The following CFAP46 variants were observed in gnomAD, a reference collection of about 807,000 sequenced individuals.
CFAP46 encodes cilia and flagella associated protein 46, also known as cilia- and flagella-associated protein 46.
CFAP46 carries 245 observed loss-of-function variants against 325.7 expected under a neutral mutation model. That is an observed-to-expected ratio of 0.75 (90% CI 0.68 to 0.84). The LOEUF is 0.84. Ranked by LOEUF, CFAP46 falls within the 40% of genes least tolerant of loss-of-function variation. The probability of loss-of-function intolerance (pLI) is 0.00; values close to 1 mark genes in which losing one functional copy is unlikely to be tolerated. For missense variants in CFAP46, 3,346 were observed against 3,543.0 expected, an observed-to-expected ratio of 0.94 and a Z score of 1.41; for synonymous variants, 1,523 against 1,495.9, an observed-to-expected ratio of 1.02 and a Z score of -0.42.
rs542528383 is a variant in CFAP46 at position 132,860,560 on chromosome 10, G to T, written c.5092-37C>A. On this transcript the variant is annotated intron_variant, in intron 36 of 57. Coordinates refer to ENST00000368586, the MANE Select transcript of CFAP46 (RefSeq NM_001200049.3). The stretch of plus-strand genomic sequence containing the variant: ...CAGGGGTGGATACGGGTGTGTCTGA[G>T]GACAGGCAGGCATGGATACAGGCCT... 166 of 1,452,282 alleles carry T rather than the reference G, an allele frequency of 1.1e-4. No homozygotes were observed. The African/African-American group carries it at 2.1e-3, about 18-fold the overall frequency. The allele number at this position is 1,452,282 out of a possible 1,614,324, so 90.0% of individuals were successfully genotyped here. A position where few individuals can be genotyped will look rare whatever the true frequency, so the allele number is the denominator to read the frequency against.
At chr10:132,888,695 T>G (rs867646050) in intron 25 of CFAP46, among the ~76,000 whole-genome samples, 1,959 of 23,120 alleles carry the variant, frequency 0.085, 54 homozygotes, top group Admixed American at 0.19. Flanking sequence ...CCTGCCACCT[T>G]CACCCCTGCC....
rs1206926742 is a variant in CFAP46, at chr10:132,910,060, C to T, written c.2508G>A (p.Glu836=). 13 of 1,496,402 alleles carry T rather than the reference C, an allele frequency of 8.7e-6. No homozygotes were observed. The highest frequency in any genetic ancestry group is 1.2e-5 in the Non-Finnish European group (13 of 1,123,996). The allele number at this position is 1,496,402 out of a possible 1,614,324, so 92.7% of individuals were successfully genotyped here. The change falls in exon 20 of 58, where the codon GAG becomes GAA. Residue 836 remains glutamate (E), a synonymous_variant. Coordinates refer to ENST00000368586, the MANE Select transcript of CFAP46 (RefSeq NM_001200049.3). ...SEIKTAVEVC[E]FALNLTNGSA... is the part of the protein sequence containing the mutation. ...TCCCATTGGTCAGGTTCAGGGCAAA[C>T]TCGCAGACCTAGGACAGACGTGTTC...
At chr10:132,915,997 A>G (rs1204402083) in intron 17 of CFAP46, among the ~76,000 whole-genome samples, 1 of 152,208 alleles carries the variant, frequency 6.6e-6, no homozygotes, top group Non-Finnish European at 1.5e-5. Context: ...CAAGCACTCC[A>G]ATTTCAATTC....
chr10:132,873,812 C>T (rs1244805689), intron 31 of CFAP46, among the ~76,000 whole-genome samples: 9 of 152,056 alleles, frequency 5.9e-5, no homozygotes, highest in African/African-American at 2.2e-4. Context: ...GGTGACAGGG[C>T]TCTACAGGTC....
rs1420465227 is a variant in CFAP46 at position 132,828,629 on chromosome 10, T to G, written c.7117+4729A>C. 1.3e-5 allele frequency among the ~76,000 whole-genome samples: 2 copies of G among 152,348 alleles called. No homozygotes were observed. The highest frequency in any genetic ancestry group is 3.9e-4 in the East Asian group (2 of 5,190). ...CCAGTCTTGGCGTAACTTTTCATTT[T>G]CTTAACAATATCTTTCAAAGAGTGG... is the stretch of plus-strand genomic sequence containing the variant. On this transcript the variant is annotated intron_variant, in intron 50 of 57. Coordinates refer to ENST00000368586, the MANE Select transcript of CFAP46 (RefSeq NM_001200049.3). This position sits in a 1 kb window ranked among gnomAD's most constrained non-coding sequence, Gnocchi z 4.9.
chr10:132,906,160 C>T (rs1423217249), intron 22 of CFAP46, among the ~76,000 whole-genome samples: 2 of 152,258 alleles, frequency 1.3e-5, no homozygotes, highest in South Asian at 2.1e-4. Context: ...TTTGCTGCCA[C>T]GCTCTCCCTC....
intron 32 of CFAP46, chr10:132,872,433 A>C (rs969823625): frequency 2.7e-4 from 125 of 468,076 alleles, no homozygotes; most frequent in Non-Finnish European, 4.0e-4. Flanking sequence ...TATTTTTTAA[A>C]TTTTTTGTAG....
rs1361639089 is a variant in CFAP46 at position 132,924,835 on chromosome 10, G to A, written c.1117C>T (p.Arg373Cys). Residue 373 changes from arginine to cysteine, a missense_variant, in exon 11 of 58, where the codon CGC becomes TGC. Coordinates refer to ENST00000368586, the MANE Select transcript of CFAP46 (RefSeq NM_001200049.3). The part of the protein sequence containing the change: ...RLDVALQRAV[R>C]LGDPRVIHVV... ...TGGATGACCCGGGGGTCGCCCAGGCGCACGGCTCGCTGCAGCGCGACGTCT... is the reference window on the plus strand; with the variant it reads ...TGGATGACCCGGGGGTCGCCCAGGCACACGGCTCGCTGCAGCGCGACGTCT... 6.9e-6 allele frequency: 10 copies of A among 1,444,054 alleles called. No homozygotes were observed. In the East Asian group the frequency reaches 8.4e-5, roughly 12 times the overall value. 89.5% of individuals were successfully genotyped at this position (1,444,054 alleles called of 1,614,324 possible). A position where few individuals can be genotyped will look rare whatever the true frequency, so the allele number is the denominator to read the frequency against.
At chr10:132,837,601 GGACACACGCACACGTACACAGACATGCA>G in intron 44 of CFAP46, among the ~76,000 whole-genome samples, 1 of 51,350 alleles carries the variant, frequency 1.9e-5, no homozygotes, top group Non-Finnish European at 3.6e-5. Flanking sequence ...AGATGCGCAC[GGACACACGCACACGTACACAGACATGCA>G]CGGACACACA....
chr10:132,905,892 C>T (rs1849449840), intron 22 of CFAP46, among the ~76,000 whole-genome samples: 1 of 152,222 alleles, frequency 6.6e-6, no homozygotes, highest in Non-Finnish European at 1.5e-5. Context: ...GACGCACCCC[C>T]AGCCCCACCT....
intron 7 of CFAP46, among the ~76,000 whole-genome samples, chr10:132,935,977 T>C (rs1366166283): frequency 3.1e-4 from 11 of 35,814 alleles, no homozygotes; most frequent in Admixed American, 8.1e-4. Flanking sequence ...TCCCCTCACA[T>C]CCAAACACAC....
At chr10:132,887,972 G>GCTCCTCTCCT (rs1564791004) in intron 25 of CFAP46, among the ~76,000 whole-genome samples, 1 of 34,588 alleles carries the variant, frequency 2.9e-5, no homozygotes, top group Admixed American at 3.8e-4. Context: ...CTCTCTCTCC[G>GCTCCTCTCCT]CTCCTCTCTC....
chr10:132,930,350 C>T (rs1849875110), intron 8 of CFAP46, among the ~76,000 whole-genome samples: 3 of 148,128 alleles, frequency 2.0e-5, no homozygotes, highest in African/African-American at 5.2e-5. Context: ...CCACACAGAG[C>T]CTGGGCCTTC....
rs763243498 is a variant in CFAP46, at chr10:132,847,199, G to A, written c.6075C>T (p.Gly2025=). ...GGGGCAGCCGCACCTTCAGGTCCTC[G>A]CCTCTCCTGCAGTGCTCCTCCGGGG... ...RAAPEEHCRR[G]EDLKRRMVLA... The change falls in exon 42 of 58, where the codon GGC becomes GGT. Residue 2025 remains glycine, a synonymous_variant. Coordinates refer to ENST00000368586, the MANE Select transcript of CFAP46 (RefSeq NM_001200049.3). This position sits in a 1 kb window ranked among gnomAD's most constrained non-coding sequence, Gnocchi z 5.2. The A allele has an allele frequency of 3.7e-6, 6 of 1,612,072 alleles. No homozygotes were observed. Among genetic ancestry groups the A allele is most frequent in the Non-Finnish European group, 5.1e-6 (6 of 1,179,728 alleles).
chr10:132,941,146 G>T, intron 3 of CFAP46, 86 bp from the exon 4 acceptor site: 1 of 1,346,716 alleles, frequency 7.4e-7, no homozygotes, highest in Non-Finnish European at 1.1e-6. Context: ...CTCCCTCACG[G>T]TTGGCCTGGT....
chr10:132,916,713 A>G (rs2135575972), intron 16 of CFAP46, 31 bp from the exon 17 acceptor site: 1 of 1,429,492 alleles, frequency 7.0e-7, no homozygotes, highest in Non-Finnish European at 9.2e-7. Context: ...GGGAGGGGTC[A>G]TGGGCGGAGC....
chr10:132,808,479 A>G lies in CFAP46; in HGVS notation c.8090T>C (p.Leu2697Pro), dbSNP rs1404962848. 4.3e-6 allele frequency: 7 copies of G among 1,613,130 alleles called. No homozygotes were observed. Among genetic ancestry groups the G allele is most frequent in the Non-Finnish European group, 5.1e-6 (6 of 1,180,018 alleles). ...QDKGGLPLAA[L>P]VLSCLDQKTI... is the part of the protein sequence containing the mutation. ...CTTCTGGTCTAAGCAACTCAGCACCAGCGCCGCCAAGGGGAGGCCGCCCTT... is the reference window on the plus strand; with the variant it reads ...CTTCTGGTCTAAGCAACTCAGCACCGGCGCCGCCAAGGGGAGGCCGCCCTT... Residue 2697 changes from leucine (L) to proline (P), a missense_variant, in exon 58 of 58, where the codon CTG becomes CCG. Leu to Pro is a moderately conservative substitution (Grantham distance 98, BLOSUM62 -3). Coordinates refer to ENST00000368586, the MANE Select transcript of CFAP46 (RefSeq NM_001200049.3). The surrounding 1 kb of genome is among the most constrained non-coding windows in gnomAD (Gnocchi z 6.8).
In CFAP46 at chr10:132,832,700, C is replaced by T. The variant is rs992020394; in HGVS notation, c.7117+658G>A. 22 of 459,732 alleles carry T rather than the reference C, an allele frequency of 4.8e-5. No individual in the cohort carries two copies. The highest frequency in any genetic ancestry group is 7.1e-5 in the Admixed American group (3 of 42,326). The allele number at this position is 459,732 out of a possible 1,614,324, so 28.5% of individuals were successfully genotyped here. ...GTAGCGCTCGGGGAAGCTTCACAAC[C>T]GGGGCACGTCTGCACAGCCAGCACT... On this transcript the variant is annotated intron_variant, in intron 50 of 57. Transcript: ENST00000368586. The surrounding 1 kb of genome is among the most constrained non-coding windows in gnomAD (Gnocchi z 4.1).
Position 132,877,981 on chromosome 10 carries a change from T to A in CFAP46, c.4112A>T (p.Lys1371Ile), listed in dbSNP as rs1009238163. The A allele has an allele frequency of 4.1e-5, 63 of 1,550,578 alleles. No individual in the cohort carries two copies. The African/African-American group carries it at 7.5e-4, about 19-fold the overall frequency. ...PKKEKENERS[K>I]EKEKERSKEK... Reference sequence around the variant, plus strand: ...TTTACTCCTCTCCTTCTCCTTCTCTTTACTCCTCTCATTCTCCTTCTCTTT... The same window carrying A: ...TTTACTCCTCTCCTTCTCCTTCTCTATACTCCTCTCATTCTCCTTCTCTTT... The change falls in exon 30 of 58, where the codon AAA (lysine) becomes ATA (isoleucine). Residue 1371 changes from lysine to isoleucine, a missense_variant. Lys to Ile is a moderately radical substitution (Grantham distance 102). Transcript: ENST00000368586. This position sits in a 1 kb window ranked among gnomAD's most constrained non-coding sequence, Gnocchi z 5.7.
Sources: allele counts gnomAD v4.1 joint callset (sites outside exome capture counted in the v4.1 genomes callset), GRCh38; gene constraint gnomAD v4.1.1; non-coding constraint Gnocchi (gnomAD v3.1); transcripts MANE v1.5; gene names NCBI Gene and HGNC (gene_info 2026-07-23, HGNC 2026-07-21).